Variants in GLTP observed in about 807,000 individuals in gnomAD.
GLTP encodes the protein glycolipid transfer protein.
GLTP carries 22 observed loss-of-function variants against 24.0 expected under a neutral mutation model. The ratio of observed to expected loss-of-function variants is 0.92; its 90% CI spans 0.65 to 1.31. GLTP has a LOEUF of 1.31. Ranked by LOEUF, GLTP falls within the 50% of genes most tolerant of loss-of-function variation. The probability of loss-of-function intolerance (pLI) is 0.00; values close to 1 mark genes in which losing one functional copy is unlikely to be tolerated. For synonymous variants in GLTP, 92 were observed against 115.9 expected (o/e 0.79, Z 1.33); for missense variants, 224 against 276.6 (o/e 0.81, Z 1.35).
At chr12:109,858,157 C>T (rs1414484009) in intron 2 of GLTP, 3 of 457,424 alleles carry the variant, frequency 6.6e-6, no homozygotes, top group African/African-American at 2.0e-5. Context: ...TGACCTTAAG[C>T]GAGTCCTTCA....
At position 109,855,345 on chromosome 12, in the gene GLTP, C is replaced by T. The variant is rs137977336; in HGVS notation, c.447+274G>A. On this transcript the variant is annotated intron_variant, in intron 4 of 4. Transcript: ENST00000318348. The surrounding 1 kb of genome is among the most constrained non-coding windows in gnomAD (Gnocchi z 4.1). ...GGCTTTCCCTGTGGTTTCTCGTCGC[C>T]CCACCATCAGGCCTTGCAGGCCAAG... 5.4e-3 allele frequency among the ~76,000 whole-genome samples: 819 copies of T among 152,298 alleles called. 5 individuals are homozygous for T. Among genetic ancestry groups the T allele is most frequent in the African/African-American group, 0.019 (781 of 41,558 alleles).
chr12:109,861,096 C>T (rs993887635), intron 1 of GLTP, among the ~76,000 whole-genome samples: 72 of 152,166 alleles, frequency 4.7e-4, no homozygotes, highest in African/African-American at 1.5e-3. Flanking sequence ...ACCCAGGAGG[C>T]CAGACAGGGA....
rs1257023577 is a variant in GLTP, at chr12:109,857,611, G to C, written c.211C>G (p.Gln71Glu). 6.2e-7 allele frequency: 1 copy of C among 1,613,996 alleles called. No homozygotes were observed. The highest frequency in any genetic ancestry group is 1.1e-5 in the South Asian group (1 of 91,086). ...DTNPAKFRTL[Q>E]NILEVEKEMY... Reference sequence around the variant, plus strand: ...TCTTTCTCCACCTCCAGGATGTTCTGCAGGGTCCGGAACTTGGCTGGGTTG... The same window carrying C: ...TCTTTCTCCACCTCCAGGATGTTCTCCAGGGTCCGGAACTTGGCTGGGTTG... The change falls in exon 3 of 5, where the codon CAG (glutamine) becomes GAG (glutamate). Residue 71 changes from glutamine (Q) to glutamate (E), a missense_variant. Coordinates refer to ENST00000318348, the MANE Select transcript of GLTP (RefSeq NM_016433.4). This position sits in a 1 kb window ranked among gnomAD's most constrained non-coding sequence, Gnocchi z 4.3.
At chr12:109,878,994 T>C (rs1868971274) in intron 1 of GLTP, among the ~76,000 whole-genome samples, 1 of 152,192 alleles carries the variant, frequency 6.6e-6, no homozygotes, top group Non-Finnish European at 1.5e-5. Flanking sequence ...GCCTCGGTAC[T>C]TTACACACAC....
chr12:109,876,533 G>T (rs565097439), intron 1 of GLTP, among the ~76,000 whole-genome samples: 74 of 138,378 alleles, frequency 5.3e-4, no homozygotes, highest in African/African-American at 1.8e-3. Flanking sequence ...AGGGAGGGAA[G>T]AAAGGAAGAA....
rs1892721728 is a variant in GLTP at position 109,851,467 on chromosome 12, A to C, written c.*1088T>G. On this transcript the variant is annotated 3_prime_UTR_variant, in exon 5 of 5. Transcript: ENST00000318348. ...TAGTGCTGTGAGGCTGGGCTGTGCA[A>C]ACCACATGAGAATACACACCAGTTT... is the stretch of plus-strand genomic sequence containing the variant. The C allele has an allele frequency of 2.0e-5, 3 of 152,244 alleles. No individual in the cohort carries two copies. The allele number at this position is 152,244 out of a possible 1,614,324, so 9.4% of individuals were successfully genotyped here. A position where few individuals can be genotyped will look rare whatever the true frequency, so the allele number is the denominator to read the frequency against.
chr12:109,857,411 C>T lies in GLTP; in HGVS notation c.296+115G>A. 5 of 1,200,998 alleles carry T rather than the reference C, an allele frequency of 4.2e-6. No homozygotes were observed. The Middle Eastern group carries it at 8.7e-4, about 208-fold the overall frequency. The allele number at this position is 1,200,998 out of a possible 1,614,324, so 74.4% of individuals were successfully genotyped here. On this transcript the variant is annotated intron_variant, in intron 3 of 4. Transcript: ENST00000318348. The surrounding 1 kb of genome is among the most constrained non-coding windows in gnomAD (Gnocchi z 4.3). ...TTCCCAGCCATTAACTAGCATCACA[C>T]TGGAAGGGCTCGGAAGTGACCTTCC...
intron 1 of GLTP, among the ~76,000 whole-genome samples, chr12:109,874,427 A>G (rs10850913): frequency 0.22 from 33,130 of 152,118 alleles, 4,006 homozygotes; most frequent in South Asian, 0.47. Flanking sequence ...GGATACCTAG[A>G]AGGCCACATT....
At chr12:109,853,997 T>TG (rs74864328) in intron 4 of GLTP, among the ~76,000 whole-genome samples, 151,432 of 151,438 alleles carry the variant, frequency 1, 75,713 homozygotes, top group Middle Eastern at 1. Context: ...CTACCTGCCT[T>TG]GCCTCCCAAA....
rs1868422571 is a variant in GLTP at position 109,863,348 on chromosome 12, CAT to C, written c.104-4609_104-4608del. On this transcript the variant is annotated intron_variant, in intron 1 of 4. Coordinates refer to ENST00000318348, the MANE Select transcript of GLTP (RefSeq NM_016433.4). ...TTTACTGTTACAGTGATCATAGTCA[CAT>C]GTGTTACACCTTTGTTTTTTAAACC... Among the ~76,000 whole-genome samples the C allele has an allele frequency of 9.2e-5, 14 of 152,314 alleles. 1 individual carries two copies. The South Asian group carries it at 2.9e-3, about 32-fold the overall frequency.
intron 1 of GLTP, among the ~76,000 whole-genome samples, chr12:109,862,057 T>A (rs1010502000): frequency 1.3e-5 from 2 of 152,282 alleles, no homozygotes; most frequent in African/African-American, 2.4e-5. Flanking sequence ...AGCAGTCTCC[T>A]CTCGGCAACT....
chr12:109,871,989 A>T (rs1247257110), intron 1 of GLTP, among the ~76,000 whole-genome samples: 1 of 152,198 alleles, frequency 6.6e-6, no homozygotes, highest in African/African-American at 2.4e-5. Context: ...CTCCTACTCA[A>T]TCCTCGTCCT....
intron 3 of GLTP, among the ~76,000 whole-genome samples, chr12:109,856,011 G>A (rs1472656039): frequency 6.6e-6 from 1 of 152,096 alleles, no homozygotes; most frequent in Non-Finnish European, 1.5e-5. Context: ...AAGTCACACT[G>A]GCTGTAAGAT....
intron 1 of GLTP, chr12:109,866,087 C>T (rs192885934): frequency 1.3e-5 from 2 of 152,104 alleles, no homozygotes; most frequent in Admixed American, 6.5e-5. Flanking sequence ...GTAAACAGCT[C>T]TTACAAATCA....
chr12:109,874,646 T>C (rs1868828868), intron 1 of GLTP, among the ~76,000 whole-genome samples: 1 of 152,188 alleles, frequency 6.6e-6, no homozygotes, highest in Non-Finnish European at 1.5e-5. Flanking sequence ...GCCGAGGCTG[T>C]GTTTAGGCTC....
At position 109,857,382 on chromosome 12, in the gene GLTP, C is replaced by T. The variant is rs1243747548; in HGVS notation, c.296+144G>A. On this transcript the variant is annotated intron_variant, in intron 3 of 4. Transcript: ENST00000318348. This position sits in a 1 kb window ranked among gnomAD's most constrained non-coding sequence, Gnocchi z 4.3. ...CAGGCAAGCCCTGGCCATTGGGAGG[C>T]CTTTTCCCAGCCATTAACTAGCATC... 1 of 889,074 alleles carries T rather than the reference C, an allele frequency of 1.1e-6. No individual in the cohort carries two copies. Among genetic ancestry groups the T allele is most frequent in the Non-Finnish European group, 1.7e-6 (1 of 579,366 alleles). 55.1% of individuals were successfully genotyped at this position (889,074 alleles called of 1,614,324 possible).
intron 1 of GLTP, among the ~76,000 whole-genome samples, chr12:109,867,778 CTTT>C (rs11300324): frequency 1.1e-4 from 15 of 131,682 alleles, no homozygotes; most frequent in Admixed American, 3.2e-4. Context: ...TTTCTTTTCT[CTTT>C]TTTTTTTTTT....
intron 1 of GLTP, among the ~76,000 whole-genome samples, chr12:109,863,817 TGAA>T (rs145563819): frequency 0.02 from 3,105 of 152,232 alleles, 96 homozygotes; most frequent in African/African-American, 0.071. Flanking sequence ...AGCCTTCCAG[TGAA>T]GAAGAGATGA....
chr12:109,875,877 A>T (rs1420994150), intron 1 of GLTP, among the ~76,000 whole-genome samples: 2 of 152,270 alleles, frequency 1.3e-5, no homozygotes, highest in African/African-American at 2.4e-5. Context: ...AACAGGTTAA[A>T]GCACTCTTCA....
Sources: gnomAD v4.1 joint callset for allele counts (sites outside exome capture counted in the v4.1 genomes callset) on GRCh38, gnomAD v4.1.1 for gene constraint, Gnocchi (gnomAD v3.1) non-coding constraint, MANE v1.5 for transcripts, NCBI Gene and HGNC (gene_info 2026-07-23, HGNC 2026-07-21) for gene names.